The following CSNK1G1 variants were observed in gnomAD, a reference collection of about 807,000 sequenced individuals.
CSNK1G1 encodes casein kinase 1 gamma 1.
In CSNK1G1, 22 loss-of-function variants were observed where a neutral mutation model predicts 59.6. That is an observed-to-expected ratio of 0.37 (90% CI 0.26 to 0.53). CSNK1G1 has a LOEUF of 0.53. CSNK1G1 is among the 20% of genes least tolerant of loss of function. The pLI is 0.89. For synonymous variants in CSNK1G1, 179 were observed against 177.1 expected, an observed-to-expected ratio of 1.01 and a Z score of -0.08; for missense variants, 384 against 519.5, an observed-to-expected ratio of 0.74 and a Z score of 2.54.
intron 1 of CSNK1G1, among the ~76,000 whole-genome samples, chr15:64,344,110 T>G (rs1278921577): frequency 6.6e-6 from 1 of 152,132 alleles, no homozygotes; most frequent in Non-Finnish European, 1.5e-5. Flanking sequence ...ATAATAGCAT[T>G]GTAAGTGGCT....
chr15:64,207,013 A>G (rs1313961000), intron 7 of CSNK1G1, among the ~76,000 whole-genome samples: 4 of 152,100 alleles, frequency 2.6e-5, no homozygotes, highest in Admixed American at 2.6e-4. Flanking sequence ...TACTGGGAAC[A>G]CTCCTCCTGC....
rs1243547583 is a variant in CSNK1G1, at chr15:64,204,448, C to A, written c.992G>T (p.Arg331Ile). ...AAAAAAAAGGATACTTACAATAGGTCTCCCAACCCAATCATAGGCATAGTC... is the reference window on the plus strand; with the variant it reads ...AAAAAAAAGGATACTTACAATAGGTATCCCAACCCAATCATAGGCATAGTC... ...TFDYAYDWVGRPIPTPVGSVH... is the reference protein window; with the variant it reads ...TFDYAYDWVGIPIPTPVGSVH... Residue 331 changes from arginine (R) to isoleucine (I), a missense_variant, in exon 9 of 12, where the codon AGA becomes ATA. This residue lies in a region of CSNK1G1 where 325 missense variants were observed against 440.9 expected (regional missense o/e 0.74). Transcript: ENST00000303052. 4.4e-6 allele frequency: 7 copies of A among 1,575,062 alleles called. No individual in the cohort carries two copies. Among genetic ancestry groups the A allele is most frequent in the Non-Finnish European group, 6.0e-6 (7 of 1,164,376 alleles).
intron 4 of CSNK1G1, among the ~76,000 whole-genome samples, chr15:64,221,323 T>A (rs2082385923): frequency 6.6e-6 from 1 of 152,216 alleles, no homozygotes; most frequent in Admixed American, 6.5e-5. Flanking sequence ...ATCCTTAGTA[T>A]CAAATCTAGA....
chr15:64,204,574 T>C lies in CSNK1G1; in HGVS notation c.866A>G (p.Tyr289Cys). The C allele has an allele frequency of 6.2e-7, 1 of 1,613,576 alleles. No individual in the cohort carries two copies. Among genetic ancestry groups the C allele is most frequent in the Non-Finnish European group, 8.5e-7 (1 of 1,179,872 alleles). The change falls in exon 9 of 12, where the codon TAC becomes TGC. Residue 289 changes from tyrosine (Y) to cysteine (C), a missense_variant. By Grantham distance (194) the Tyr-to-Cys change is radical. This residue lies in a region of CSNK1G1 where 325 missense variants were observed against 440.9 expected (regional missense o/e 0.74). Transcript: ENST00000303052. ...CENFPEEMATYLRYVRRLDFF... is the reference protein window; with the variant it reads ...CENFPEEMATCLRYVRRLDFF... Reference sequence around the variant, plus strand: ...GTCCAGTCGCCTGACATATCGAAGGTAGGTTGCCATCTCCTCTGTTAGGAA... The same window carrying C: ...GTCCAGTCGCCTGACATATCGAAGGCAGGTTGCCATCTCCTCTGTTAGGAA...
chr15:64,345,190 A>G (rs1216229752), intron 1 of CSNK1G1, among the ~76,000 whole-genome samples: 1 of 152,238 alleles, frequency 6.6e-6, no homozygotes. Context: ...GTGAAAGAGG[A>G]TTCTAGCTAA....
Position 64,353,602 on chromosome 15 carries a change from G to A in CSNK1G1, c.-225+2386C>T, listed in dbSNP as rs181561993. Among the ~76,000 whole-genome samples, 1,274 of 149,204 alleles carry A rather than the reference G, an allele frequency of 8.5e-3. 16 individuals are homozygous for A. Among genetic ancestry groups the A allele is most frequent in the Middle Eastern group, 0.027 (8 of 292 alleles). Reference sequence around the variant, plus strand: ...GTGGAGGTTTCAGTGAGCCGAGATCGTGCCACCACACTCCAGCCTGGGTGA... The same window carrying A: ...GTGGAGGTTTCAGTGAGCCGAGATCATGCCACCACACTCCAGCCTGGGTGA... On this transcript the variant is annotated intron_variant, in intron 1 of 11. Transcript: ENST00000303052.
intron 10 of CSNK1G1, among the ~76,000 whole-genome samples, chr15:64,184,207 G>A (rs1031905305): frequency 4.6e-5 from 7 of 152,064 alleles, no homozygotes; most frequent in Non-Finnish European, 1.0e-4. Flanking sequence ...GGAGGCTGAG[G>A]CAGGAGAATG....
chr15:64,355,052 C>T (rs1331241942), intron 1 of CSNK1G1, among the ~76,000 whole-genome samples: 1 of 152,194 alleles, frequency 6.6e-6, no homozygotes, highest in African/African-American at 2.4e-5. Context: ...GATCTTTCTA[C>T]TTCATTTAAA....
At chr15:64,282,241 C>T in intron 2 of CSNK1G1, among the ~76,000 whole-genome samples, 1 of 152,002 alleles carries the variant, frequency 6.6e-6, no homozygotes, top group East Asian at 1.9e-4. Context: ...TACTTTCTAT[C>T]TCTACACAAT....
chr15:64,185,451 C>T (rs1416682297), intron 10 of CSNK1G1, among the ~76,000 whole-genome samples: 1 of 152,224 alleles, frequency 6.6e-6, no homozygotes, highest in Non-Finnish European at 1.5e-5. Context: ...AATGGTGTAA[C>T]TGCCTGTCCT....
chr15:64,298,125 T>C (rs1895126642), intron 2 of CSNK1G1, among the ~76,000 whole-genome samples: 2 of 152,198 alleles, frequency 1.3e-5, no homozygotes, highest in Admixed American at 1.3e-4. Flanking sequence ...AATACTACTC[T>C]GAAAATATAT....
chr15:64,198,617 G>A (rs1031351382), intron 10 of CSNK1G1, among the ~76,000 whole-genome samples: 10 of 151,766 alleles, frequency 6.6e-5, no homozygotes, highest in East Asian at 5.8e-4. Context: ...CGCTCAAGGA[G>A]AAACTGTATT....
chr15:64,176,543 G>T lies in CSNK1G1; in HGVS notation c.1214+3805C>A, dbSNP rs1413506046. 6.6e-6 allele frequency among the ~76,000 whole-genome samples: 1 copy of T among 152,208 alleles called. No homozygotes were observed. The highest frequency in any genetic ancestry group is 2.4e-5 in the African/African-American group (1 of 41,450). On this transcript the variant is annotated intron_variant, in intron 11 of 11. Transcript: ENST00000303052. The surrounding 1 kb of genome is among the most constrained non-coding windows in gnomAD (Gnocchi z 5.2). ...TGGATCTCAGGGGTAAGGCAAAACAGAAAGAGTTGGTAGGAGCTCCAGGGT... is the reference window on the plus strand; with the variant it reads ...TGGATCTCAGGGGTAAGGCAAAACATAAAGAGTTGGTAGGAGCTCCAGGGT...
At chr15:64,269,311 T>C (rs1893151331) in intron 2 of CSNK1G1, among the ~76,000 whole-genome samples, 1 of 152,158 alleles carries the variant, frequency 6.6e-6, no homozygotes, top group Non-Finnish European at 1.5e-5. Context: ...CATCTGGTCC[T>C]GGGTTTTTGG....
intron 2 of CSNK1G1, among the ~76,000 whole-genome samples, chr15:64,295,792 C>CTGT (rs1333609019): frequency 6.6e-6 from 1 of 152,212 alleles, no homozygotes. Context: ...TTATGTCACT[C>CTGT]TGTTGTAAAA....
intron 3 of CSNK1G1, among the ~76,000 whole-genome samples, chr15:64,254,066 G>A (rs1196388371): frequency 1.3e-5 from 2 of 152,194 alleles, no homozygotes; most frequent in Non-Finnish European, 1.5e-5. Context: ...CTTGAACCCG[G>A]CAGGTGGATA....
At chr15:64,324,055 A>C (rs1896708490) in intron 1 of CSNK1G1, among the ~76,000 whole-genome samples, 1 of 152,224 alleles carries the variant, frequency 6.6e-6, no homozygotes, top group Non-Finnish European at 1.5e-5. Flanking sequence ...GAAACCAAGT[A>C]AGATGCGTAA....
chr15:64,322,271 C>T (rs1458163857), intron 1 of CSNK1G1, among the ~76,000 whole-genome samples: 2 of 152,142 alleles, frequency 1.3e-5, no homozygotes, highest in Non-Finnish European at 2.9e-5. Context: ...AGCTGTTCAA[C>T]AGTTAAACCT....
chr15:64,236,096 T>C (rs1448834138), intron 4 of CSNK1G1, among the ~76,000 whole-genome samples: 5 of 147,210 alleles, frequency 3.4e-5, no homozygotes, highest in Admixed American at 2.0e-4. Context: ...TGAGCTGAGA[T>C]TGTGCCACCA....
Sources: allele counts gnomAD v4.1 joint callset (sites outside exome capture counted in the v4.1 genomes callset), GRCh38; gene constraint gnomAD v4.1.1; regional missense constraint gnomAD v4.1.1; non-coding constraint Gnocchi (gnomAD v3.1); transcripts MANE v1.5; gene names NCBI Gene and HGNC (gene_info 2026-07-23, HGNC 2026-07-21).